Variants in PITPNB observed in about 807,000 individuals in gnomAD.
The protein encoded by PITPNB is phosphatidylinositol transfer protein beta.
Under a neutral mutation model 45.9 loss-of-function variants are expected in PITPNB, and 16 were observed. That is an observed-to-expected ratio of 0.35 (90% confidence interval 0.24 to 0.53). The LOEUF is 0.53. Among genes scored for constraint, PITPNB ranks in the 20% least tolerant of loss-of-function variants. The pLI, the probability that PITPNB is intolerant of heterozygous loss-of-function variation, is 0.93. For missense variants in PITPNB, 188 were observed against 330.5 expected, an observed-to-expected ratio of 0.57 and a Z score of 3.34; for synonymous variants, 112 against 108.9, an observed-to-expected ratio of 1.03 and a Z score of -0.18.
intron 7 of PITPNB, among the ~76,000 whole-genome samples, chr22:27,892,281 C>T (rs751296163): frequency 6.6e-6 from 1 of 152,190 alleles, no homozygotes; most frequent in African/African-American, 2.4e-5. Flanking sequence ...TCTGCCCTTA[C>T]TCTGCTCTTT....
intron 7 of PITPNB, among the ~76,000 whole-genome samples, chr22:27,893,583 T>C (rs1021528372): frequency 2.5e-5 from 2 of 80,690 alleles, no homozygotes; most frequent in Admixed American, 1.4e-4. Context: ...ATGTCTAGCC[T>C]TTTTTTTTTT....
chr22:27,919,074 G>A, intron 1 of PITPNB, 98 bp downstream of exon 1: 1 of 1,590,472 alleles, frequency 6.3e-7, no homozygotes. Context: ...GCTGACACAG[G>A]GCTGACTCCG....
chr22:27,870,529 C>A (rs1243590452), intron 8 of PITPNB, among the ~76,000 whole-genome samples: 4 of 152,246 alleles, frequency 2.6e-5, no homozygotes, highest in Admixed American at 2.0e-4. Context: ...AACTACCAGG[C>A]AGCTCTTCTA....
chr22:27,874,548 T>A (rs998459422), intron 7 of PITPNB, among the ~76,000 whole-genome samples: 4 of 152,210 alleles, frequency 2.6e-5, no homozygotes, highest in Non-Finnish European at 5.9e-5. Context: ...CCTTAGTATA[T>A]CTTTTTCCTG....
Position 27,873,728 on chromosome 22 carries a change from CA to C in PITPNB, c.534+9del. ...AGACTCTGCCTGTCAGAAAGGTCAG[CA>C]TCCAGTACCTTCCAGTTGGGTCCCA... On this transcript the variant is annotated intron_variant, in intron 8 of 11. Coordinates refer to ENST00000335272, the MANE Select transcript of PITPNB (RefSeq NM_012399.5). 4.5e-6 allele frequency: 7 copies of C among 1,561,710 alleles called. No homozygotes were observed. Among genetic ancestry groups the C allele is most frequent in the Non-Finnish European group, 5.3e-6 (6 of 1,132,340 alleles).
intron 8 of PITPNB, among the ~76,000 whole-genome samples, chr22:27,868,551 C>T (rs1022679649): frequency 1.3e-5 from 2 of 152,194 alleles, no homozygotes; most frequent in Admixed American, 6.5e-5. Context: ...ATGGCCTCTA[C>T]GGCTGTTCTA....
intron 7 of PITPNB, among the ~76,000 whole-genome samples, chr22:27,891,660 G>C (rs1460243770): frequency 6.6e-6 from 1 of 152,160 alleles, no homozygotes; most frequent in Non-Finnish European, 1.5e-5. Context: ...CACAAGATCT[G>C]TTTAGGAGTT....
chr22:27,870,157 T>TC (rs1344387625), intron 8 of PITPNB, among the ~76,000 whole-genome samples: 1 of 152,172 alleles, frequency 6.6e-6, no homozygotes, highest in Admixed American at 6.5e-5. Context: ...TGGCAGACAT[T>TC]CTGCTGTTTC....
At chr22:27,878,415 CAG>C (rs1265497696) in intron 7 of PITPNB, among the ~76,000 whole-genome samples, 2 of 152,244 alleles carry the variant, frequency 1.3e-5, no homozygotes, top group East Asian at 1.9e-4. Context: ...AAGCAAATAA[CAG>C]AGGTGTAAAG....
At chr22:27,916,271 G>C (rs910489143) in intron 1 of PITPNB, among the ~76,000 whole-genome samples, 5 of 152,172 alleles carry the variant, frequency 3.3e-5, no homozygotes, top group Admixed American at 1.3e-4. Flanking sequence ...CAAGTAAAAG[G>C]GAAAAGGAAC....
chr22:27,901,458 G>A (rs1935591182), intron 3 of PITPNB, among the ~76,000 whole-genome samples: 1 of 152,132 alleles, frequency 6.6e-6, no homozygotes, highest in African/African-American at 2.4e-5. Context: ...GGAAGAATTT[G>A]AAGACCAGAT....
intron 10 of PITPNB, 57 bp downstream of exon 10, chr22:27,858,330 G>C (rs1934229937): frequency 7.5e-7 from 1 of 1,328,694 alleles, no homozygotes; most frequent in Non-Finnish European, 1.1e-6. Flanking sequence ...TACCAAGCAT[G>C]TATACAGTTT....
At chr22:27,862,413 G>C (rs1356564426) in intron 8 of PITPNB, among the ~76,000 whole-genome samples, 2 of 152,080 alleles carry the variant, frequency 1.3e-5, no homozygotes, top group African/African-American at 4.8e-5. Flanking sequence ...CTACATGATT[G>C]ATCAACTTTT....
chr22:27,903,457 G>GA (rs911482218), intron 3 of PITPNB, among the ~76,000 whole-genome samples: 2 of 130,558 alleles, frequency 1.5e-5, no homozygotes, highest in Non-Finnish European at 3.2e-5. Context: ...CAACAAGAGT[G>GA]AAACTGTCTC....
chr22:27,859,984 T>A, intron 9 of PITPNB, 147 bp downstream of exon 9: 1 of 564,708 alleles, frequency 1.8e-6, no homozygotes, highest in South Asian at 2.4e-5. Flanking sequence ...CTTTGAGGTA[T>A]AAAGAAGGGC....
rs539976143 is a variant in PITPNB, at chr22:27,881,719, T to A, written c.457-7904A>T. On this transcript the variant is annotated intron_variant, in intron 7 of 11. Coordinates refer to ENST00000335272, the MANE Select transcript of PITPNB (RefSeq NM_012399.5). ...AGCAGCAGTTGGAACAAATGTAACATCTAAAACACAGGAGCTTCTTGAAAG... is the reference window on the plus strand; with the variant it reads ...AGCAGCAGTTGGAACAAATGTAACAACTAAAACACAGGAGCTTCTTGAAAG... Among the ~76,000 whole-genome samples the A allele has an allele frequency of 1.8e-4, 28 of 152,268 alleles. No homozygotes were observed. The East Asian group carries it at 4.6e-3, about 25-fold the overall frequency.
intron 7 of PITPNB, among the ~76,000 whole-genome samples, chr22:27,890,493 T>C (rs893668241): frequency 6.6e-6 from 1 of 150,636 alleles, no homozygotes; most frequent in Non-Finnish European, 1.5e-5. Flanking sequence ...AGCCAAGAGG[T>C]AGAAAAAACC....
chr22:27,877,295 A>AAT (rs1934846795), intron 7 of PITPNB, among the ~76,000 whole-genome samples: 1 of 152,228 alleles, frequency 6.6e-6, no homozygotes. Context: ...TTGCTCCACC[A>AAT]ATAATAGTGC....
rs1935911398 is a variant in PITPNB at position 27,911,210 on chromosome 22, C to A, written c.52-101G>T. 5.2e-6 allele frequency: 4 copies of A among 766,532 alleles called. No individual in the cohort carries two copies. The East Asian group carries it at 7.9e-5, about 15-fold the overall frequency. 47.5% of individuals were successfully genotyped at this position (766,532 alleles called of 1,614,324 possible). A position where few individuals can be genotyped will look rare whatever the true frequency, so the allele number is the denominator to read the frequency against. On this transcript the variant is annotated intron_variant, in intron 2 of 11. Transcript: ENST00000335272. Reference sequence around the variant, plus strand: ...ATATAGATGATATAGAAAAGCATATCCAAACCATTCAGCACAACTGTGTTC... The same window carrying A: ...ATATAGATGATATAGAAAAGCATATACAAACCATTCAGCACAACTGTGTTC...
Sources: allele counts gnomAD v4.1 joint callset (sites outside exome capture counted in the v4.1 genomes callset), GRCh38; gene constraint gnomAD v4.1.1; transcripts MANE v1.5; gene names NCBI Gene and HGNC (gene_info 2026-07-23, HGNC 2026-07-21).